Variants in SYT1 observed in about 807,000 individuals in gnomAD.
The protein encoded by SYT1 is synaptotagmin-1.
In SYT1, 8 loss-of-function variants were observed where a neutral mutation model predicts 44.8. The ratio of observed to expected loss-of-function variants is 0.18; its 90% CI spans 0.10 to 0.32. The LOEUF (loss-of-function observed/expected upper bound fraction) is 0.32, where lower values mean the gene tolerates loss of function less well. Ranked by LOEUF, SYT1 falls within the 10% of genes least tolerant of loss-of-function variation. The pLI is 1.00. For synonymous variants in SYT1, 154 were observed against 188.8 expected (o/e 0.82, Z 1.51); for missense variants, 286 against 509.3 (o/e 0.56, Z 4.22).
chr12:79,260,359 A>C (rs1186446851), intron 4 of SYT1, among the ~76,000 whole-genome samples: 1 of 152,208 alleles, frequency 6.6e-6, no homozygotes, highest in Non-Finnish European at 1.5e-5. Context: ...ATATCATCAA[A>C]GTCTTATTTT....
chr12:78,921,864 G>T (rs141516146), intron 1 of SYT1, among the ~76,000 whole-genome samples: 42 of 151,928 alleles, frequency 2.8e-4, no homozygotes, highest in African/African-American at 8.2e-4. Context: ...AGGATGAGGT[G>T]ATTTTGTAAA....
intron 5 of SYT1, chr12:79,291,695 G>A: frequency 2.2e-6 from 1 of 458,574 alleles, no homozygotes; most frequent in Non-Finnish European, 4.3e-6. Flanking sequence ...TCTGAAAGCA[G>A]CAGTTTTATC....
chr12:79,184,478 A>G (rs1872701414), intron 3 of SYT1, among the ~76,000 whole-genome samples: 1 of 152,066 alleles, frequency 6.6e-6, no homozygotes, highest in African/African-American at 2.4e-5. Flanking sequence ...TGAATTTGGC[A>G]TCATCAGTTT....
intron 1 of SYT1, among the ~76,000 whole-genome samples, chr12:78,925,662 A>G (rs1877263274): frequency 6.6e-6 from 1 of 151,960 alleles, no homozygotes; most frequent in African/African-American, 2.4e-5. Context: ...AAGAGTAAAT[A>G]ATATTATAAA....
chr12:79,334,197 T>G (rs1430311835), intron 8 of SYT1, among the ~76,000 whole-genome samples: 2 of 152,096 alleles, frequency 1.3e-5, no homozygotes, highest in Non-Finnish European at 2.9e-5. Flanking sequence ...CAAACTTTTC[T>G]TACTGAGGTA....
chr12:79,227,760 A>G (rs1875607568), intron 4 of SYT1, among the ~76,000 whole-genome samples: 1 of 152,126 alleles, frequency 6.6e-6, no homozygotes, highest in African/African-American at 2.4e-5. Context: ...GTTGTTTGGT[A>G]AAGGTGTCAA....
chr12:79,329,485 A>G (rs1197558655), intron 8 of SYT1, among the ~76,000 whole-genome samples: 2 of 152,248 alleles, frequency 1.3e-5, no homozygotes, highest in East Asian at 1.9e-4. Flanking sequence ...TTAATTACCT[A>G]TGGATGGGAA....
At chr12:79,352,213 G>A (rs1465284495) in intron 8 of SYT1, among the ~76,000 whole-genome samples, 3 of 151,916 alleles carry the variant, frequency 2.0e-5, no homozygotes, top group African/African-American at 7.3e-5. Flanking sequence ...AAAACGGGGG[G>A]GAATTACATT....
rs151092185 is a variant in SYT1 at position 78,901,382 on chromosome 12, A to G, written c.-217+36273A>G. Among the ~76,000 whole-genome samples the G allele has an allele frequency of 5.9e-5, 9 of 151,990 alleles. 1 individual carries two copies. Among genetic ancestry groups the G allele is most frequent in the African/African-American group, 2.2e-4 (9 of 41,472 alleles). On this transcript the variant is annotated intron_variant, in intron 1 of 10. Coordinates refer to ENST00000261205, the MANE Select transcript of SYT1 (RefSeq NM_005639.3). ...GTGTAGTATTTTTTCCCTTTTCTTCATTTTCCAGACATGAATGTCTGCCAA... is the reference window on the plus strand; with the variant it reads ...GTGTAGTATTTTTTCCCTTTTCTTCGTTTTCCAGACATGAATGTCTGCCAA...
intron 3 of SYT1, among the ~76,000 whole-genome samples, chr12:79,176,805 C>A (rs1871900981): frequency 6.6e-6 from 1 of 151,824 alleles, no homozygotes; most frequent in Non-Finnish European, 1.5e-5. Context: ...GACACTTCAA[C>A]CTATAACCCT....
intron 2 of SYT1, among the ~76,000 whole-genome samples, chr12:79,028,565 C>T (rs1838553312): frequency 1.3e-5 from 2 of 151,194 alleles, no homozygotes; most frequent in African/African-American, 4.8e-5. Flanking sequence ...TATAGGCACT[C>T]AATACATCTT....
chr12:79,340,163 G>A (rs1310144628), intron 8 of SYT1, among the ~76,000 whole-genome samples: 1 of 152,068 alleles, frequency 6.6e-6, no homozygotes, highest in African/African-American at 2.4e-5. Flanking sequence ...GCTCTTTTTT[G>A]GTTCCATATG....
At chr12:78,894,019 G>A (rs1465784107) in intron 1 of SYT1, among the ~76,000 whole-genome samples, 2 of 151,504 alleles carry the variant, frequency 1.3e-5, no homozygotes, top group African/African-American at 4.8e-5. Context: ...ATTGGTGAGA[G>A]CACTGTGTTC....
At chr12:79,403,256 T>C (rs1415234211) in intron 9 of SYT1, among the ~76,000 whole-genome samples, 1 of 151,832 alleles carries the variant, frequency 6.6e-6, no homozygotes, top group East Asian at 1.9e-4. Context: ...AGTGAGGGGG[T>C]CAGGGGAAGA....
At chr12:79,182,532 A>T (rs1330479381) in intron 3 of SYT1, among the ~76,000 whole-genome samples, 2 of 152,052 alleles carry the variant, frequency 1.3e-5, no homozygotes, top group Non-Finnish European at 2.9e-5. Context: ...GACTCAATCA[A>T]CAAAGCCTGA....
intron 3 of SYT1, among the ~76,000 whole-genome samples, chr12:79,184,759 T>A (rs1017804431): frequency 5.3e-5 from 8 of 152,054 alleles, no homozygotes; most frequent in Non-Finnish European, 1.0e-4. Context: ...ATAACTATAA[T>A]CCACATCTAG....
intron 1 of SYT1, among the ~76,000 whole-genome samples, chr12:78,902,006 G>A (rs1875691214): frequency 6.6e-6 from 1 of 151,314 alleles, no homozygotes; most frequent in Admixed American, 6.6e-5. Flanking sequence ...TGGACACAGG[G>A]AGGCGAACAT....
intron 1 of SYT1, among the ~76,000 whole-genome samples, chr12:78,928,340 A>G (rs543054302): frequency 6.6e-6 from 1 of 152,282 alleles, no homozygotes; most frequent in South Asian, 2.1e-4. Context: ...CCCTTATCAT[A>G]CACTCTAGCC....
chr12:79,101,622 A>C (rs745423245), intron 3 of SYT1, among the ~76,000 whole-genome samples: 1 of 152,146 alleles, frequency 6.6e-6, no homozygotes, highest in Non-Finnish European at 1.5e-5. Context: ...GTTATATATA[A>C]ATTTCCTCAA....
Sources: allele counts gnomAD v4.1 joint callset (sites outside exome capture counted in the v4.1 genomes callset), GRCh38; gene constraint gnomAD v4.1.1; transcripts MANE v1.5; gene names NCBI Gene and HGNC (gene_info 2026-07-23, HGNC 2026-07-21).